The following UBE2F variants were observed in gnomAD, a reference collection of about 807,000 sequenced individuals.
UBE2F encodes ubiquitin conjugating enzyme E2 F (putative).
Under a neutral mutation model 29.6 loss-of-function variants are expected in UBE2F, and 5 were observed. That is an observed-to-expected ratio of 0.17 (90% CI 0.09 to 0.36). The LOEUF (loss-of-function observed/expected upper bound fraction) is 0.36. UBE2F is among the 10% of genes least tolerant of loss of function. The pLI is 1.00. For missense variants in UBE2F, 141 were observed against 228.5 expected (o/e 0.62, Z 2.47); for synonymous variants, 66 against 81.8 (o/e 0.81, Z 1.04).
rs144857895 is a variant in UBE2F, at chr2:237,986,773, C to T, written c.119-1190C>T. Among the ~76,000 whole-genome samples the T allele has an allele frequency of 2.8e-4, 42 of 152,270 alleles. No individual in the cohort carries two copies. In the East Asian group the frequency reaches 8.1e-3, roughly 29 times the overall value. ...AACACCATTTATTGAAGGAACTATC[C>T]TTTCCCCATGGTGTTTTCTTGGTAC... is the stretch of plus-strand genomic sequence containing the variant. On this transcript the variant is annotated intron_variant, in intron 2 of 9. Transcript: ENST00000272930.
chr2:238,030,479 A>G (rs2064547820), intron 6 of UBE2F, 77 bp from the exon 7 acceptor site: 1 of 995,440 alleles, frequency 1.0e-6, no homozygotes, highest in African/African-American at 1.6e-5. Flanking sequence ...CATGGCACAC[A>G]CCGAGAGGAC....
intron 4 of UBE2F, among the ~76,000 whole-genome samples, chr2:237,997,956 G>A (rs954895733): frequency 2.0e-5 from 3 of 152,178 alleles, no homozygotes; most frequent in Non-Finnish European, 4.4e-5. Flanking sequence ...GAAATATCCC[G>A]TGGAGGCTTC....
intron 4 of UBE2F, among the ~76,000 whole-genome samples, chr2:238,006,640 T>G (rs2063913116): frequency 6.6e-6 from 1 of 152,218 alleles, no homozygotes; most frequent in South Asian, 2.1e-4. Flanking sequence ...ATCTCTCCCT[T>G]TCAGTCTGTA....
At chr2:238,033,448 G>C (rs956032815) in intron 8 of UBE2F, among the ~76,000 whole-genome samples, 2 of 152,140 alleles carry the variant, frequency 1.3e-5, no homozygotes, top group African/African-American at 4.8e-5. Flanking sequence ...CTATGATCTT[G>C]GATGGTCCAC....
intron 3 of UBE2F, among the ~76,000 whole-genome samples, chr2:237,990,898 G>A (rs964380026): frequency 5.9e-5 from 9 of 151,964 alleles, no homozygotes; most frequent in Non-Finnish European, 1.0e-4. Context: ...TGACAGGCAC[G>A]AGCCACTGTG....
chr2:238,026,532 C>A (rs556398586), intron 6 of UBE2F, among the ~76,000 whole-genome samples: 1 of 152,232 alleles, frequency 6.6e-6, no homozygotes, highest in East Asian at 1.9e-4. Flanking sequence ...CTCCCAGGTT[C>A]ACGCCATTCT....
At chr2:238,010,057 G>A (rs1220708878) in intron 4 of UBE2F, among the ~76,000 whole-genome samples, 1 of 151,804 alleles carries the variant, frequency 6.6e-6, no homozygotes, top group Non-Finnish European at 1.5e-5. Flanking sequence ...CATTCCACTT[G>A]TTCCCTTGAA....
chr2:237,994,014 G>A (rs1417250233), intron 3 of UBE2F, among the ~76,000 whole-genome samples: 1 of 152,052 alleles, frequency 6.6e-6, no homozygotes, highest in Non-Finnish European at 1.5e-5. Context: ...TACCACTTAG[G>A]TAGTAAAGGT....
chr2:238,029,370 C>T (rs1421116211), intron 6 of UBE2F, among the ~76,000 whole-genome samples: 2 of 151,788 alleles, frequency 1.3e-5, no homozygotes, highest in Non-Finnish European at 2.9e-5. Flanking sequence ...GGGCGGATCA[C>T]GAGGTCAGGA....
chr2:237,973,085 C>A lies in UBE2F; in HGVS notation c.-16-7C>A. 6.3e-7 allele frequency: 1 copy of A among 1,599,846 alleles called. No homozygotes were observed. Among genetic ancestry groups the A allele is most frequent in the South Asian group, 1.1e-5 (1 of 90,428 alleles). ...TCCTTAACCCTGCTTTCATTGCTGT[C>A]TTTCAGGGTAAAGGCAGCAGTAATG... is the stretch of plus-strand genomic sequence containing the variant. On this transcript the variant is annotated splice_region_variant and splice_polypyrimidine_tract_variant and intron_variant, in intron 1 of 9. Transcript: ENST00000272930.
At chr2:238,029,785 C>T (rs2064529621) in intron 6 of UBE2F, among the ~76,000 whole-genome samples, 1 of 152,178 alleles carries the variant, frequency 6.6e-6, no homozygotes, top group Non-Finnish European at 1.5e-5. Flanking sequence ...CTGTATAAGA[C>T]AGGGAAACAG....
At chr2:238,007,411 T>G (rs1423687055) in intron 4 of UBE2F, among the ~76,000 whole-genome samples, 1 of 152,216 alleles carries the variant, frequency 6.6e-6, no homozygotes, top group Non-Finnish European at 1.5e-5. Flanking sequence ...CGTGAGCCAC[T>G]GAGTCCGGCC....
At position 238,036,464 on chromosome 2, in the gene UBE2F, G is replaced by A. The variant is rs1250493224; in HGVS notation, c.507+524G>A. Among the ~76,000 whole-genome samples the A allele has an allele frequency of 3.7e-5, 3 of 80,438 alleles. No homozygotes were observed. The South Asian group carries it at 1.2e-3, about 31-fold the overall frequency. The allele number at this position is 80,438 out of a possible 152,430, so 52.8% of individuals were successfully genotyped here. On this transcript the variant is annotated intron_variant, in intron 9 of 9. Transcript: ENST00000272930. ...CAAAATGCTGGGATTACAGGCATGA[G>A]CTACGGCGCCCAGCCGAGAAGTGAT...
At chr2:238,006,759 C>CTTTTTTTT (rs60514924) in intron 4 of UBE2F, among the ~76,000 whole-genome samples, 6 of 125,574 alleles carry the variant, frequency 4.8e-5, no homozygotes, top group African/African-American at 1.8e-4. Flanking sequence ...TTTCTTTTTT[C>CTTTTTTTT]TTTTTTTTTT....
chr2:238,038,175 A>C (rs544590758), intron 9 of UBE2F, among the ~76,000 whole-genome samples: 12 of 152,330 alleles, frequency 7.9e-5, no homozygotes, highest in African/African-American at 2.9e-4. Context: ...AGTGGCAGGC[A>C]TGGTGGGCAT....
intron 3 of UBE2F, among the ~76,000 whole-genome samples, chr2:237,992,994 C>CT (rs879655818): frequency 0.025 from 3,694 of 145,472 alleles, 140 homozygotes; most frequent in African/African-American, 0.085. Context: ...GGGCAGCACT[C>CT]TTTTTTTTTT....
intron 6 of UBE2F, among the ~76,000 whole-genome samples, chr2:238,026,780 C>T (rs2106399188): frequency 6.6e-6 from 1 of 152,300 alleles, no homozygotes; most frequent in East Asian, 1.9e-4. Context: ...TTGCCCATTT[C>T]ATTTTTGTAT....
chr2:237,999,281 G>A (rs1350142740), intron 4 of UBE2F, among the ~76,000 whole-genome samples: 1 of 152,106 alleles, frequency 6.6e-6, no homozygotes, highest in East Asian at 1.9e-4. Flanking sequence ...TGTTGGCCAG[G>A]ATGGTCTCAA....
chr2:237,986,027 A>AT (rs146436820), intron 2 of UBE2F: 3,028 of 201,616 alleles, frequency 0.015, 86 homozygotes, highest in African/African-American at 0.068. Flanking sequence ...CCCATTTTTA[A>AT]TTTTTTTTTG....
Sources: gnomAD v4.1 joint callset for allele counts (sites outside exome capture counted in the v4.1 genomes callset) on GRCh38, gnomAD v4.1.1 for gene constraint, MANE v1.5 for transcripts, NCBI Gene and HGNC (gene_info 2026-07-23, HGNC 2026-07-21) for gene names.